The following TRDN variants were observed in gnomAD, a reference collection of about 807,000 sequenced individuals.
TRDN encodes the protein triadin.
Under a neutral mutation model 149.7 loss-of-function variants are expected in TRDN, and 161 were observed. The observed-to-expected ratio is 1.08, with a 90% CI of 0.95 to 1.23. The LOEUF is 1.23. TRDN is among the 50% of genes most tolerant of loss of function. The pLI is 0.00. For missense variants in TRDN, 896 were observed against 823.5 expected (o/e 1.09, Z -1.08); for synonymous variants, 294 against 250.5 (o/e 1.17, Z -1.64).
At chr6:123,434,640 C>A (rs114643092) in intron 12 of TRDN, among the ~76,000 whole-genome samples, 6 of 152,120 alleles carry the variant, frequency 3.9e-5, no homozygotes, top group Non-Finnish European at 7.4e-5. Context: ...GTGTTTCTAG[C>A]ACTGAAGTCT....
intron 12 of TRDN, among the ~76,000 whole-genome samples, chr6:123,411,444 G>A (rs897592796): frequency 6.6e-5 from 10 of 152,098 alleles, no homozygotes; most frequent in African/African-American, 2.4e-4. Flanking sequence ...GCGAATAGAG[G>A]CTGAAGAGAA....
intron 10 of TRDN, among the ~76,000 whole-genome samples, chr6:123,463,777 G>GTT (rs11346009): frequency 2.1e-5 from 3 of 141,502 alleles, no homozygotes; most frequent in Non-Finnish European, 4.7e-5. Flanking sequence ...TTTTCTTTCT[G>GTT]TTTTTTTTTT....
intron 10 of TRDN, among the ~76,000 whole-genome samples, chr6:123,440,786 G>A (rs181113225): frequency 7.6e-4 from 115 of 152,270 alleles, no homozygotes; most frequent in Middle Eastern, 6.8e-3. Flanking sequence ...CCAGAATATG[G>A]AAGGCATTCA....
At chr6:123,590,260 T>A (rs537994083) in intron 1 of TRDN, among the ~76,000 whole-genome samples, 1 of 152,226 alleles carries the variant, frequency 6.6e-6, no homozygotes, top group Non-Finnish European at 1.5e-5. Context: ...CATTAGATTC[T>A]CATAGGATCA....
intron 1 of TRDN, among the ~76,000 whole-genome samples, chr6:123,620,721 T>C (rs1029569042): frequency 1.3e-5 from 2 of 152,108 alleles, no homozygotes; most frequent in Non-Finnish European, 2.9e-5. Context: ...TAAACTAAAG[T>C]GGACAAAATT....
At chr6:123,516,258 G>A in intron 5 of TRDN, 52 bp from the exon 6 acceptor site, 3 of 1,403,916 alleles carry the variant, frequency 2.1e-6, no homozygotes, top group Non-Finnish European at 2.8e-6. Flanking sequence ...AATAAATGAG[G>A]AGATGTTTGC....
rs539013506 is a variant in TRDN, at chr6:123,442,911, A to G, written c.932-3908T>C. Among the ~76,000 whole-genome samples, 4 of 152,264 alleles carry G rather than the reference A, an allele frequency of 2.6e-5. No individual in the cohort carries two copies. In the East Asian group the frequency reaches 5.8e-4, roughly 22 times the overall value. ...TGCAATGAAGTGGATTCAAGTCTCA[A>G]TTTTGCTATAATTAGTAGTCATTAC... On this transcript the variant is annotated intron_variant, in intron 10 of 40. Coordinates refer to ENST00000334268, the MANE Select transcript of TRDN (RefSeq NM_006073.4).
At chr6:123,577,036 A>G (rs1234029067) in intron 1 of TRDN, among the ~76,000 whole-genome samples, 1 of 152,150 alleles carries the variant, frequency 6.6e-6, no homozygotes, top group South Asian at 2.1e-4. Flanking sequence ...AGTTAAAATA[A>G]GAAGGAACAT....
At chr6:123,485,351 A>T (rs1403579261) in intron 9 of TRDN, among the ~76,000 whole-genome samples, 1 of 152,204 alleles carries the variant, frequency 6.6e-6, no homozygotes, top group East Asian at 1.9e-4. Context: ...CTTTTAAAAT[A>T]ACAAGATTAT....
intron 17 of TRDN, 23 bp downstream of exon 17, chr6:123,377,843 C>T (rs756205469): frequency 1.9e-6 from 3 of 1,594,864 alleles, no homozygotes; most frequent in East Asian, 2.2e-5. Flanking sequence ...ATTGTGAGAA[C>T]AGAGGAATTT....
At chr6:123,513,469 G>A (rs914225662) in intron 6 of TRDN, among the ~76,000 whole-genome samples, 2 of 151,802 alleles carry the variant, frequency 1.3e-5, no homozygotes, top group Non-Finnish European at 2.9e-5. Context: ...TTTAGCTACT[G>A]TAAAGTTTGG....
intron 1 of TRDN, among the ~76,000 whole-genome samples, chr6:123,592,961 C>T (rs1302458158): frequency 2.0e-5 from 3 of 152,106 alleles, no homozygotes; most frequent in Non-Finnish European, 4.4e-5. Flanking sequence ...CAGGGATACA[C>T]ATTATATATT....
At chr6:123,241,379 G>C (rs1775982677) in intron 38 of TRDN, among the ~76,000 whole-genome samples, 3 of 151,162 alleles carry the variant, frequency 2.0e-5, no homozygotes, top group South Asian at 2.1e-4. Flanking sequence ...TGTAAATTCA[G>C]AAAAAGAATA....
intron 29 of TRDN, among the ~76,000 whole-genome samples, chr6:123,272,108 T>G (rs1486442258): frequency 6.6e-6 from 1 of 151,980 alleles, no homozygotes; most frequent in Non-Finnish European, 1.5e-5. Flanking sequence ...TATCACAGTT[T>G]TTTTAAAAGC....
At chr6:123,392,086 T>C (rs1264755453) in intron 13 of TRDN, among the ~76,000 whole-genome samples, 1 of 152,112 alleles carries the variant, frequency 6.6e-6, no homozygotes, top group African/African-American at 2.4e-5. Context: ...CCTTGTTCAC[T>C]GTGCTTCATC....
chr6:123,464,388 G>A, intron 10 of TRDN: 2 of 969,232 alleles, frequency 2.1e-6, no homozygotes, highest in Non-Finnish European at 2.5e-6. Context: ...GTGTGTGTGT[G>A]AGTGTGTGTG....
intron 2 of TRDN, among the ~76,000 whole-genome samples, chr6:123,557,804 C>T (rs943296501): frequency 6.7e-6 from 1 of 148,914 alleles, no homozygotes; most frequent in Admixed American, 6.7e-5. Context: ...GGGGCAAGCA[C>T]CCCCCCCACC....
In TRDN at chr6:123,349,032, T is replaced by C. The variant is rs370128220; in HGVS notation, c.1369+3507A>G. ...TTAATGTTAACAATATGAACTTCCA[T>C]TGAGTACGTATTATTCTGCTGTGAT... On this transcript the variant is annotated intron_variant, in intron 21 of 40. Transcript: ENST00000334268. Among the ~76,000 whole-genome samples, 17 of 152,272 alleles carry C rather than the reference T, an allele frequency of 1.1e-4. No individual in the cohort carries two copies. The East Asian group carries it at 2.7e-3, about 24-fold the overall frequency.
At chr6:123,297,511 C>T (rs1442206164) in intron 24 of TRDN, among the ~76,000 whole-genome samples, 3 of 151,876 alleles carry the variant, frequency 2.0e-5, no homozygotes, top group Admixed American at 6.6e-5. Context: ...TGACATTATA[C>T]AATGATTATT....
Sources: allele counts gnomAD v4.1 joint callset (sites outside exome capture counted in the v4.1 genomes callset), GRCh38; gene constraint gnomAD v4.1.1; transcripts MANE v1.5; gene names NCBI Gene and HGNC (gene_info 2026-07-23, HGNC 2026-07-21).